Variants in UBASH3B observed in about 807,000 individuals in gnomAD.
UBASH3B encodes ubiquitin associated and SH3 domain containing B, also known as ubiquitin-associated and SH3 domain-containing protein B.
A neutral mutation model predicts 83.4 loss-of-function variants in UBASH3B; 37 were observed. That is an observed-to-expected ratio of 0.44 (90% CI 0.34 to 0.58). The LOEUF (loss-of-function observed/expected upper bound fraction) is 0.58, where lower values mean the gene tolerates loss of function less well. Among genes scored for constraint, UBASH3B ranks in the 20% least tolerant of loss-of-function variants. UBASH3B has a pLI of 0.01. For synonymous variants in UBASH3B, 304 were observed against 318.3 expected, an observed-to-expected ratio of 0.96 and a Z score of 0.48; for missense variants, 657 against 827.2, an observed-to-expected ratio of 0.79 and a Z score of 2.52.
At position 122,656,165 on chromosome 11, in the gene UBASH3B, C is replaced by T; in HGVS notation, c.116C>T (p.Ser39Leu). Reference sequence around the variant, plus strand: ...CGCCCCGGCACCATCAAGCATGGATCGGCGCTGGACGTGCTCCTCTCCATG... The same window carrying T: ...CGCCCCGGCACCATCAAGCATGGATTGGCGCTGGACGTGCTCCTCTCCATG... ...QQRPGTIKHGSALDVLLSMGF... is the reference protein window; with the variant it reads ...QQRPGTIKHGLALDVLLSMGF... The change falls in exon 1 of 14, where the codon TCG (serine) becomes TTG (leucine). Residue 39 changes from serine (S) to leucine (L), a missense_variant. Around this residue, in one of 3 missense-constraint regions of UBASH3B, gnomAD observed 78 missense variants for 68.4 expected, o/e 1.14. Coordinates refer to ENST00000284273, the MANE Select transcript of UBASH3B (RefSeq NM_032873.5). 1 of 1,560,238 alleles carries T rather than the reference C, an allele frequency of 6.4e-7. No homozygotes were observed. Among genetic ancestry groups the T allele is most frequent in the Non-Finnish European group, 8.7e-7 (1 of 1,155,108 alleles).
chr11:122,777,060 C>T lies in UBASH3B; in HGVS notation c.252C>T (p.Asp84=), dbSNP rs781105454. Residue 84 remains aspartate (D), a synonymous_variant, in exon 3 of 14, where the codon GAC becomes GAT. Coordinates refer to ENST00000284273, the MANE Select transcript of UBASH3B (RefSeq NM_032873.5). ...ATGTCGGTGACCCCTTCCTGGATGA[C>T]CCCCTGCCCCGGGAGTACGTCCTCT... is the stretch of plus-strand genomic sequence containing the variant. ...FSHVGDPFLD[D]PLPREYVLYL... The T allele has an allele frequency of 6.2e-7, 1 of 1,612,726 alleles. No individual in the cohort carries two copies. Among genetic ancestry groups the T allele is most frequent in the South Asian group, 1.1e-5 (1 of 90,880 alleles).
chr11:122,770,376 T>C (rs553947983), intron 1 of UBASH3B, among the ~76,000 whole-genome samples: 1 of 152,262 alleles, frequency 6.6e-6, no homozygotes, highest in Admixed American at 6.5e-5. Context: ...AGGGGAACTC[T>C]CTTCTGAAGG....
At chr11:122,678,415 T>C (rs1863694615) in intron 1 of UBASH3B, among the ~76,000 whole-genome samples, 2 of 152,186 alleles carry the variant, frequency 1.3e-5, no homozygotes, top group African/African-American at 4.8e-5. Context: ...CCCATGTTCC[T>C]TTGAGTCCAG....
intron 1 of UBASH3B, among the ~76,000 whole-genome samples, chr11:122,707,819 C>T (rs959881654): frequency 5.3e-5 from 8 of 151,946 alleles, no homozygotes; most frequent in African/African-American, 1.9e-4. Flanking sequence ...CTGCCACAGC[C>T]GAGTAGCTGG....
At chr11:122,737,087 A>T (rs1860945148) in intron 1 of UBASH3B, among the ~76,000 whole-genome samples, 1 of 152,152 alleles carries the variant, frequency 6.6e-6, no homozygotes, top group Non-Finnish European at 1.5e-5. Flanking sequence ...AAGAAATCTA[A>T]TGTTGCCGGA....
intron 5 of UBASH3B, 87 bp from the exon 6 acceptor site, chr11:122,789,013 A>G: frequency 7.9e-7 from 1 of 1,260,006 alleles, no homozygotes. Context: ...GGTGTGCAGT[A>G]TTAATGCAGA....
chr11:122,752,880 C>A (rs1161125962), intron 1 of UBASH3B, among the ~76,000 whole-genome samples: 2 of 152,092 alleles, frequency 1.3e-5, no homozygotes, highest in Non-Finnish European at 2.9e-5. Flanking sequence ...AACAACCAAC[C>A]TTTGAGGATA....
chr11:122,808,977 A>G (rs1438835236), intron 13 of UBASH3B, among the ~76,000 whole-genome samples: 2 of 9,648 alleles, frequency 2.1e-4, no homozygotes, highest in African/African-American at 2.7e-4. Context: ...TCGTAAGGAG[A>G]AAAAAAAAAC....
intron 1 of UBASH3B, among the ~76,000 whole-genome samples, chr11:122,710,389 C>T (rs1206046438): frequency 6.6e-6 from 1 of 152,114 alleles, no homozygotes; most frequent in African/African-American, 2.4e-5. Flanking sequence ...TATTACAAGC[C>T]AGGCATTGTG....
chr11:122,693,461 G>A lies in UBASH3B; in HGVS notation c.161+37251G>A, dbSNP rs184538055. 4.6e-5 allele frequency among the ~76,000 whole-genome samples: 7 copies of A among 152,332 alleles called. No individual in the cohort carries two copies. In the East Asian group the frequency reaches 1.4e-3, roughly 29 times the overall value. On this transcript the variant is annotated intron_variant, in intron 1 of 13. Transcript: ENST00000284273. ...CACCTTAAGGCTTGAAGATTTTAGA[G>A]TTGACCAGTTGGAGGAAAAGTAAAA...
intron 1 of UBASH3B, among the ~76,000 whole-genome samples, chr11:122,690,195 T>C (rs1458736842): frequency 1.6e-4 from 6 of 38,382 alleles, no homozygotes; most frequent in Admixed American, 8.9e-4. Context: ...TATATATATA[T>C]ATATATATAT....
chr11:122,718,636 T>C (rs568498857), intron 1 of UBASH3B, among the ~76,000 whole-genome samples: 161 of 152,340 alleles, frequency 1.1e-3, no homozygotes, highest in Non-Finnish European at 1.8e-3. Context: ...TATAGTACTT[T>C]TTATATTCAT....
chr11:122,708,974 C>T (rs572347809), intron 1 of UBASH3B, among the ~76,000 whole-genome samples: 2 of 152,150 alleles, frequency 1.3e-5, no homozygotes, highest in African/African-American at 4.8e-5. Flanking sequence ...TGGTCAGGTA[C>T]GGTGGTGCAT....
intron 6 of UBASH3B, among the ~76,000 whole-genome samples, chr11:122,791,818 T>C (rs1861059160): frequency 6.6e-6 from 1 of 152,236 alleles, no homozygotes; most frequent in African/African-American, 2.4e-5. Context: ...CTCAGTTCTC[T>C]GAGTCCCTCC....
At chr11:122,768,506 G>GTATATA (rs538067099) in intron 1 of UBASH3B, among the ~76,000 whole-genome samples, 90 of 126,188 alleles carry the variant, frequency 7.1e-4, no homozygotes, top group Admixed American at 9.9e-4. Flanking sequence ...GTGTGTGTGT[G>GTATATA]TGTATATATA....
chr11:122,760,630 G>C (rs1281928964), intron 1 of UBASH3B, among the ~76,000 whole-genome samples: 1 of 152,146 alleles, frequency 6.6e-6, no homozygotes, highest in Non-Finnish European at 1.5e-5. Context: ...CAAAATGCTG[G>C]GATTACAGGT....
intron 9 of UBASH3B, 91 bp from the exon 10 acceptor site, chr11:122,798,851 G>A: frequency 1.0e-6 from 1 of 954,256 alleles, no homozygotes; most frequent in Admixed American, 2.0e-5. Flanking sequence ...GGGGTTTACA[G>A]GAGCTTACTG....
At chr11:122,701,570 C>T (rs1025969596) in intron 1 of UBASH3B, among the ~76,000 whole-genome samples, 11 of 152,174 alleles carry the variant, frequency 7.2e-5, no homozygotes, top group Middle Eastern at 3.4e-3. Flanking sequence ...TCCATGGTGA[C>T]GCAGAGGTCT....
In UBASH3B at chr11:122,771,018, T is replaced by A. The variant is rs116233903; in HGVS notation, c.162-5201T>A. ...AGCTCTAAAGTGACGCATAAGGCCT[T>A]TGCGAGTGATCTCCCACTTACGTTT... On this transcript the variant is annotated intron_variant, in intron 1 of 13. Transcript: ENST00000284273. Among the ~76,000 whole-genome samples the A allele has an allele frequency of 8.3e-3, 1,258 of 152,316 alleles. 20 individuals are homozygous for A. Among genetic ancestry groups the A allele is most frequent in the African/African-American group, 0.029 (1,216 of 41,562 alleles).
Sources: allele counts gnomAD v4.1 joint callset (sites outside exome capture counted in the v4.1 genomes callset), GRCh38; gene constraint gnomAD v4.1.1; regional missense constraint gnomAD v4.1.1; transcripts MANE v1.5; gene names NCBI Gene and HGNC (gene_info 2026-07-23, HGNC 2026-07-21).